The following SYT14 variants were observed in gnomAD, a reference collection of about 807,000 sequenced individuals.
The protein encoded by SYT14 is synaptotagmin 14, also known as synaptotagmin-14.
In SYT14, 32 loss-of-function variants were observed where a neutral mutation model predicts 74.2. The ratio of observed to expected loss-of-function variants is 0.43; its 90% CI spans 0.33 to 0.58. The LOEUF is 0.58. SYT14 is among the 20% of genes least tolerant of loss of function. The pLI is 0.05. For synonymous variants in SYT14, 298 were observed against 337.7 expected (o/e 0.88, Z 1.29); for missense variants, 791 against 981.8 (o/e 0.81, Z 2.60).
chr1:209,995,359 T>C (rs976573746), intron 2 of SYT14, among the ~76,000 whole-genome samples: 1 of 152,094 alleles, frequency 6.6e-6, no homozygotes, highest in Non-Finnish European at 1.5e-5. Flanking sequence ...ATAAAACATA[T>C]GTTAAGCCAA....
At chr1:210,051,880 T>TAG (rs2081003751) in intron 5 of SYT14, among the ~76,000 whole-genome samples, 1 of 152,234 alleles carries the variant, frequency 6.6e-6, no homozygotes, top group Non-Finnish European at 1.5e-5. Context: ...ATTAGCCTCA[T>TAG]ATCTGTGTTA....
At chr1:209,960,354 T>C (rs536623568) in intron 2 of SYT14, among the ~76,000 whole-genome samples, 76 of 152,282 alleles carry the variant, frequency 5.0e-4, no homozygotes, top group African/African-American at 1.8e-3. Context: ...GTTAACTTTG[T>C]TTTTTCAATT....
At chr1:209,982,854 C>G (rs1487522202) in intron 2 of SYT14, among the ~76,000 whole-genome samples, 1 of 152,204 alleles carries the variant, frequency 6.6e-6, no homozygotes, top group Non-Finnish European at 1.5e-5. Flanking sequence ...TCCTCATCAG[C>G]ATTTGGAGTT....
At chr1:210,074,185 A>G (rs2081447324) in intron 5 of SYT14, among the ~76,000 whole-genome samples, 1 of 152,242 alleles carries the variant, frequency 6.6e-6, no homozygotes, top group Non-Finnish European at 1.5e-5. Flanking sequence ...TGATCACTAT[A>G]ATAACAACTA....
At chr1:210,095,658 CT>C (rs2081955836) in intron 6 of SYT14, among the ~76,000 whole-genome samples, 5 of 152,146 alleles carry the variant, frequency 3.3e-5, no homozygotes, top group Admixed American at 3.3e-4. Flanking sequence ...TTCAGATCTG[CT>C]GCCAAAATTA....
At chr1:209,948,528 T>C (rs916236161) in intron 1 of SYT14, among the ~76,000 whole-genome samples, 25 of 152,258 alleles carry the variant, frequency 1.6e-4, no homozygotes, top group African/African-American at 6.0e-4. Flanking sequence ...GTTGCTGAGA[T>C]GATTATTTCA....
At chr1:210,003,424 T>C (rs1301631133) in intron 2 of SYT14, among the ~76,000 whole-genome samples, 1 of 152,202 alleles carries the variant, frequency 6.6e-6, no homozygotes, top group African/African-American at 2.4e-5. Flanking sequence ...CAGGAAGATG[T>C]GTGTGTCCTG....
At chr1:210,081,700 T>C (rs897877839) in intron 5 of SYT14, among the ~76,000 whole-genome samples, 3 of 152,156 alleles carry the variant, frequency 2.0e-5, no homozygotes, top group African/African-American at 7.2e-5. Context: ...TGATATAGAA[T>C]AAACACAGTT....
intron 5 of SYT14, among the ~76,000 whole-genome samples, chr1:210,079,178 C>T (rs1175816131): frequency 6.6e-6 from 1 of 151,734 alleles, no homozygotes; most frequent in Non-Finnish European, 1.5e-5. Context: ...TCATTGCTCC[C>T]CTACAGAGAT....
At chr1:209,991,160 C>T (rs2079678376) in intron 2 of SYT14, among the ~76,000 whole-genome samples, 1 of 152,110 alleles carries the variant, frequency 6.6e-6, no homozygotes, top group Non-Finnish European at 1.5e-5. Context: ...AATGTAAGTC[C>T]TGAAGCTGCA....
At chr1:209,978,565 A>T (rs1036899275) in intron 2 of SYT14, among the ~76,000 whole-genome samples, 1 of 152,112 alleles carries the variant, frequency 6.6e-6, no homozygotes, top group African/African-American at 2.4e-5. Flanking sequence ...TTCCTCTGGA[A>T]GTTTTGTCTC....
At chr1:210,000,293 C>T (rs1244416534) in intron 2 of SYT14, among the ~76,000 whole-genome samples, 4 of 151,998 alleles carry the variant, frequency 2.6e-5, no homozygotes, top group South Asian at 2.1e-4. Context: ...TCACATGTTT[C>T]GGTTTCCTTT....
rs115369127 is a variant in SYT14, at chr1:210,153,889, G to A, written c.2035-1832G>A. On this transcript the variant is annotated intron_variant, in intron 7 of 9. Transcript: ENST00000637265. ...TGCATGTTGCTAGATTTGGTTTGCT[G>A]ATGTATATTTAGGATTTTTTCATCT... is the stretch of plus-strand genomic sequence containing the variant. 7.9e-3 allele frequency among the ~76,000 whole-genome samples: 1,208 copies of A among 152,252 alleles called. 21 individuals carry two copies. Among genetic ancestry groups the A allele is most frequent in the African/African-American group, 0.028 (1,150 of 41,552 alleles).
intron 8 of SYT14, among the ~76,000 whole-genome samples, chr1:210,159,184 T>TAA (rs74911973): frequency 6.6e-6 from 1 of 151,878 alleles, no homozygotes; most frequent in Admixed American, 6.6e-5. Context: ...TGTCCCCCTT[T>TAA]AAAAAAATGT....
chr1:209,968,361 A>T (rs1487544915), intron 2 of SYT14, among the ~76,000 whole-genome samples: 1 of 151,898 alleles, frequency 6.6e-6, no homozygotes, highest in East Asian at 1.9e-4. Flanking sequence ...ATAGTATCAT[A>T]TGGAGTAGTT....
chr1:210,095,214 A>G (rs1253083336), intron 6 of SYT14, among the ~76,000 whole-genome samples: 1 of 152,218 alleles, frequency 6.6e-6, no homozygotes, highest in East Asian at 1.9e-4. Context: ...TTCTGTCATA[A>G]TGAAAACTAT....
intron 7 of SYT14, among the ~76,000 whole-genome samples, chr1:210,124,093 T>G (rs2082519386): frequency 6.6e-6 from 1 of 152,180 alleles, no homozygotes; most frequent in Admixed American, 6.5e-5. Flanking sequence ...CAGCACTGCC[T>G]ATTTGTTTTC....
chr1:210,105,964 A>G (rs377631808), intron 7 of SYT14, among the ~76,000 whole-genome samples: 24 of 152,334 alleles, frequency 1.6e-4, no homozygotes, highest in African/African-American at 5.5e-4. Context: ...TTGCTGCACC[A>G]TGCTTGTACA....
intron 2 of SYT14, among the ~76,000 whole-genome samples, chr1:209,977,791 T>C (rs2079396674): frequency 6.6e-6 from 1 of 152,214 alleles, no homozygotes; most frequent in African/African-American, 2.4e-5. Flanking sequence ...GATAATATCC[T>C]GCAGAGTGTT....
Sources: allele counts gnomAD v4.1 joint callset (sites outside exome capture counted in the v4.1 genomes callset), GRCh38; gene constraint gnomAD v4.1.1; transcripts MANE v1.5; gene names NCBI Gene and HGNC (gene_info 2026-07-23, HGNC 2026-07-21).